ARFGEF1: variants seen among roughly 807,000 people sequenced by gnomAD.
The protein encoded by ARFGEF1 is brefeldin A-inhibited guanine nucleotide-exchange protein 1.
ARFGEF1 carries 42 observed loss-of-function variants against 231.0 expected under a neutral mutation model. The observed-to-expected ratio is 0.18, with a 90% confidence interval of 0.14 to 0.24. ARFGEF1 has a LOEUF of 0.24. Ranked by LOEUF, ARFGEF1 falls within the 10% of genes least tolerant of loss-of-function variation. ARFGEF1 has a pLI of 1.00. For synonymous variants in ARFGEF1, 710 were observed against 732.3 expected (o/e 0.97, Z 0.49); for missense variants, 1,345 against 2,192.0 (o/e 0.61, Z 7.72).
At chr8:67,200,715 T>C (rs535416926) in intron 37 of ARFGEF1, among the ~76,000 whole-genome samples, 3 of 152,348 alleles carry the variant, frequency 2.0e-5, no homozygotes, top group East Asian at 1.9e-4. Context: ...AAAGAAGCCA[T>C]TGTAACTTAC....
Position 67,251,329 on chromosome 8 carries a change from T to C in ARFGEF1, c.2820A>G (p.Thr940=), listed in dbSNP as rs758968117. The C allele has an allele frequency of 2.5e-6, 4 of 1,610,204 alleles. No individual in the cohort carries two copies. In the African/African-American group the frequency reaches 5.3e-5, roughly 22 times the overall value. The change falls in exon 19 of 39, where the codon ACA becomes ACG. Residue 940 remains threonine (T), a synonymous_variant. Coordinates refer to ENST00000262215, the MANE Select transcript of ARFGEF1 (RefSeq NM_006421.5). ...SHVQAPFTSA[T]HLEHVRPMFK... ...ACATGGGCCTCACATGCTCCAAATG[T>C]GTTGCACTTGTAAAGGGTGCCTGAA...
chr8:67,193,985 G>A (rs1372653019), downstream of ARFGEF1, among the ~76,000 whole-genome samples: 1 of 152,182 alleles, frequency 6.6e-6, no homozygotes, highest in Non-Finnish European at 1.5e-5. Context: ...TATATTTGCA[G>A]TACTACAAAG....
intron 22 of ARFGEF1, among the ~76,000 whole-genome samples, chr8:67,235,213 T>C (rs114023194): frequency 6.6e-6 from 1 of 151,408 alleles, no homozygotes; most frequent in Non-Finnish European, 1.5e-5. Flanking sequence ...AAAAATGTCT[T>C]GGAATCCAAA....
At chr8:67,242,877 G>T (rs1341000028) in intron 19 of ARFGEF1, among the ~76,000 whole-genome samples, 4 of 152,154 alleles carry the variant, frequency 2.6e-5, no homozygotes. Context: ...CAGTAGCTTG[G>T]CAGTACTCTC....
chr8:67,199,253 AGT>A, intron 38 of ARFGEF1, 155 bp from the exon 39 acceptor site: 1 of 780,450 alleles, frequency 1.3e-6, no homozygotes, highest in Non-Finnish European at 2.0e-6. Context: ...GAGAGACAGA[AGT>A]GTTAGAAAAA....
intron 5 of ARFGEF1, among the ~76,000 whole-genome samples, chr8:67,187,259 C>G (rs1400593812): frequency 6.6e-6 from 1 of 152,102 alleles, no homozygotes; most frequent in Non-Finnish European, 1.5e-5. Flanking sequence ...CCAGAATAGC[C>G]AGCACAATGT....
At position 67,266,788 on chromosome 8, in the gene ARFGEF1, G is replaced by A. The variant is rs1410442367; in HGVS notation, c.1921+88C>T. ...TCAGTTAAATGAATAAATATGTCAT[G>A]AAATTGGTTTAACAGCAGCTGCAAC... On this transcript the variant is annotated intron_variant, in intron 13 of 38. Coordinates refer to ENST00000262215, the MANE Select transcript of ARFGEF1 (RefSeq NM_006421.5). 1.0e-5 allele frequency: 9 copies of A among 887,676 alleles called. No homozygotes were observed. In the African/African-American group the frequency reaches 1.2e-4, roughly 12 times the overall value. 55.0% of individuals were successfully genotyped at this position (887,676 alleles called of 1,614,324 possible). A position where few individuals can be genotyped will look rare whatever the true frequency, so the allele number is the denominator to read the frequency against.
intron 36 of ARFGEF1, among the ~76,000 whole-genome samples, chr8:67,202,710 A>G (rs1018075779): frequency 6.6e-6 from 1 of 152,214 alleles, no homozygotes; most frequent in Middle Eastern, 3.2e-3. Flanking sequence ...CCCAGTAAAC[A>G]GAGAAGCCAT....
chr8:67,219,749 GA>G (rs144023880), intron 29 of ARFGEF1, among the ~76,000 whole-genome samples, 189 bp from the exon 30 acceptor site: 4 of 151,658 alleles, frequency 2.6e-5, no homozygotes, highest in Non-Finnish European at 1.5e-5. Context: ...CATCATTCGG[GA>G]AAAAAAATCT....
rs151137450 is a variant in ARFGEF1 at position 67,255,404 on chromosome 8, T to C, written c.2527-1782A>G. Among the ~76,000 whole-genome samples, 468 of 152,282 alleles carry C rather than the reference T, an allele frequency of 3.1e-3. 2 individuals carry two copies. Among genetic ancestry groups the C allele is most frequent in the Admixed American group, 4.7e-3 (72 of 15,292 alleles). On this transcript the variant is annotated intron_variant, in intron 17 of 38. Transcript: ENST00000262215. Reference sequence around the variant, plus strand: ...TGATGATTATTGTATACACAAAAATTGTGTTCTAAATATGCCTAAAATTTT... The same window carrying C: ...TGATGATTATTGTATACACAAAAATCGTGTTCTAAATATGCCTAAAATTTT...
intron 1 of ARFGEF1, among the ~76,000 whole-genome samples, chr8:67,315,343 A>G (rs1807262573): frequency 6.6e-6 from 1 of 152,196 alleles, no homozygotes; most frequent in Admixed American, 6.5e-5. Flanking sequence ...ACAACAATAC[A>G]ACTACTAGAC....
intron 19 of ARFGEF1, among the ~76,000 whole-genome samples, chr8:67,247,347 T>C (rs985189659): frequency 2.0e-5 from 3 of 149,586 alleles, no homozygotes; most frequent in Non-Finnish European, 4.4e-5. Context: ...CTCAACAAAA[T>C]ACCAGCAAAC....
chr8:67,200,590 G>A, intron 37 of ARFGEF1, 77 bp from the exon 38 acceptor site: 1 of 846,330 alleles, frequency 1.2e-6, no homozygotes. Context: ...GAGCAATCAT[G>A]AACATAGTAG....
At chr8:67,302,905 T>TAAAAAAAAAAA (rs1563902346) in intron 1 of ARFGEF1, among the ~76,000 whole-genome samples, 11 of 100,234 alleles carry the variant, frequency 1.1e-4, no homozygotes, top group African/African-American at 4.3e-4. Context: ...ACCCCATCTC[T>TAAAAAAAAAAA]TAAAAAAAAA....
chr8:67,247,469 A>G (rs1393959083), intron 19 of ARFGEF1, among the ~76,000 whole-genome samples: 1 of 150,714 alleles, frequency 6.6e-6, no homozygotes, highest in Non-Finnish European at 1.5e-5. Flanking sequence ...ACACCATATC[A>G]ATAGAATGAA....
At chr8:67,189,693 A>G (rs1835668216) in intron 5 of ARFGEF1, among the ~76,000 whole-genome samples, 1 of 152,210 alleles carries the variant, frequency 6.6e-6, no homozygotes, top group Non-Finnish European at 1.5e-5. Context: ...ACACTGAAAT[A>G]TTGAGAGACA....
chr8:67,204,650 A>C, intron 35 of ARFGEF1, 30 bp downstream of exon 35: 1 of 1,593,132 alleles, frequency 6.3e-7, no homozygotes, highest in South Asian at 1.1e-5. Flanking sequence ...TACTTACACA[A>C]AAAAAGCAGC....
intron 5 of ARFGEF1, among the ~76,000 whole-genome samples, chr8:67,191,020 C>G (rs980313735): frequency 6.6e-6 from 1 of 152,294 alleles, no homozygotes; most frequent in African/African-American, 2.4e-5. Context: ...CCTTCTTCTC[C>G]TGCAGAATAT....
At chr8:67,275,338 A>G (rs751330406) in intron 9 of ARFGEF1, among the ~76,000 whole-genome samples, 1 of 152,050 alleles carries the variant, frequency 6.6e-6, no homozygotes, top group Non-Finnish European at 1.5e-5. Context: ...ACCATTTATG[A>G]CTTACAAAAA....
Sources: allele counts gnomAD v4.1 joint callset (sites outside exome capture counted in the v4.1 genomes callset), GRCh38; gene constraint gnomAD v4.1.1; transcripts MANE v1.5; gene names NCBI Gene and HGNC (gene_info 2026-07-23, HGNC 2026-07-21).